The following LRRC4C variants were observed in gnomAD, a reference collection of about 807,000 sequenced individuals.
LRRC4C encodes leucine rich repeat containing 4C, also known as leucine-rich repeat-containing protein 4C.
Under a neutral mutation model 33.6 loss-of-function variants are expected in LRRC4C, and 5 were observed. The ratio of observed to expected loss-of-function variants is 0.15; its 90% CI spans 0.08 to 0.31. The LOEUF (loss-of-function observed/expected upper bound fraction) is 0.31. Ranked by LOEUF, LRRC4C falls within the 10% of genes least tolerant of loss-of-function variation. The probability of loss-of-function intolerance (pLI) is 1.00; values close to 1 mark genes in which losing one functional copy is unlikely to be tolerated. For synonymous variants in LRRC4C, 329 were observed against 302.0 expected, an observed-to-expected ratio of 1.09 and a Z score of -0.93; for missense variants, 560 against 796.7, an observed-to-expected ratio of 0.70 and a Z score of 3.58.
chr11:40,796,125 A>C (rs551273052), intron 2 of LRRC4C, among the ~76,000 whole-genome samples: 1 of 152,180 alleles, frequency 6.6e-6, no homozygotes, highest in Admixed American at 6.5e-5. Flanking sequence ...GGATTTATTT[A>C]TAAAAAATAT....
At chr11:41,179,051 T>C (rs898260643) in intron 1 of LRRC4C, among the ~76,000 whole-genome samples, 8 of 152,102 alleles carry the variant, frequency 5.3e-5, no homozygotes, top group African/African-American at 1.7e-4. Context: ...GGTCCTGTAT[T>C]GGCAGATTTG....
intron 1 of LRRC4C, among the ~76,000 whole-genome samples, chr11:41,209,125 A>G (rs1476923625): frequency 6.6e-6 from 1 of 151,756 alleles, no homozygotes; most frequent in African/African-American, 2.4e-5. Flanking sequence ...TGGTGATGAT[A>G]ATCTGTACAC....
chr11:40,243,293 C>T (rs1452471), intron 4 of LRRC4C, among the ~76,000 whole-genome samples: 89,667 of 152,034 alleles, frequency 0.59, 29,155 homozygotes, highest in East Asian at 0.78. Context: ...TTTGAAAGAA[C>T]ATCTTGGGCC....
intron 1 of LRRC4C, among the ~76,000 whole-genome samples, chr11:41,105,443 TTAGTC>T (rs1231585755): frequency 1.3e-5 from 2 of 152,050 alleles, no homozygotes; most frequent in Non-Finnish European, 2.9e-5. Flanking sequence ...GGTCTGCTCT[TTAGTC>T]TATAAGCTCT....
intron 1 of LRRC4C, among the ~76,000 whole-genome samples, chr11:41,230,905 A>AC (rs1947758655): frequency 9.0e-6 from 1 of 110,538 alleles, no homozygotes; most frequent in South Asian, 4.2e-4. Context: ...AAACAAATTT[A>AC]CAAAAAAAAA....
At chr11:40,874,759 T>C (rs1018142262) in intron 2 of LRRC4C, among the ~76,000 whole-genome samples, 1 of 152,194 alleles carries the variant, frequency 6.6e-6, no homozygotes, top group African/African-American at 2.4e-5. Context: ...GGATTTGCAA[T>C]GAGGCCAGGG....
chr11:40,469,517 T>A lies in LRRC4C; in HGVS notation c.-269-149796A>T, dbSNP rs143492179. Among the ~76,000 whole-genome samples the A allele has an allele frequency of 3.9e-5, 6 of 152,172 alleles. No individual in the cohort carries two copies. In the East Asian group the frequency reaches 1.2e-3, roughly 30 times the overall value. ...TGTCATGCCCCAGTAGCATCTGGAA[T>A]ACCAGCGAGACAGAACTGTTCACTC... On this transcript the variant is annotated intron_variant, in intron 3 of 6. Transcript: ENST00000528697.
intron 1 of LRRC4C, among the ~76,000 whole-genome samples, chr11:41,286,207 T>G (rs774164121): frequency 6.6e-6 from 1 of 152,308 alleles, no homozygotes; most frequent in Middle Eastern, 3.4e-3. Flanking sequence ...ATTCATACTT[T>G]ATTTTTCTCT....
At chr11:40,567,741 C>T (rs1439883433) in intron 3 of LRRC4C, among the ~76,000 whole-genome samples, 1 of 152,192 alleles carries the variant, frequency 6.6e-6, no homozygotes, top group Non-Finnish European at 1.5e-5. Flanking sequence ...TCAGATAAGA[C>T]ATAAGACTTG....
chr11:41,396,942 A>G (rs1253912415), intron 1 of LRRC4C, among the ~76,000 whole-genome samples: 1 of 151,966 alleles, frequency 6.6e-6, no homozygotes, highest in Non-Finnish European at 1.5e-5. Context: ...GCAAACTATG[A>G]ATGTGGATAG....
At chr11:40,510,686 C>A (rs1173276183) in intron 3 of LRRC4C, among the ~76,000 whole-genome samples, 1 of 152,090 alleles carries the variant, frequency 6.6e-6, no homozygotes, top group Non-Finnish European at 1.5e-5. Flanking sequence ...TAGCAACTCA[C>A]AATGTGAGTG....
In LRRC4C at chr11:40,844,415, G is replaced by A. The variant is rs554872698; in HGVS notation, c.-407+89220C>T. 2.6e-5 allele frequency among the ~76,000 whole-genome samples: 4 copies of A among 152,208 alleles called. No homozygotes were observed. In the South Asian group the frequency reaches 8.3e-4, roughly 32 times the overall value. On this transcript the variant is annotated intron_variant, in intron 2 of 6. Coordinates refer to ENST00000528697, the MANE Select transcript of LRRC4C (RefSeq NM_001258419.2). ...TAAGTCAAAATGAAATTATCTGCTA[G>A]GTATTTTTCCACATTCTTAAGAAAG...
chr11:41,346,747 T>C, intron 1 of LRRC4C, among the ~76,000 whole-genome samples: 1 of 152,234 alleles, frequency 6.6e-6, no homozygotes, highest in East Asian at 1.9e-4. Flanking sequence ...CTACTCAATT[T>C]TGTTTAACAT....
chr11:40,808,140 TGTA>T (rs754608091), intron 2 of LRRC4C, among the ~76,000 whole-genome samples: 15 of 152,234 alleles, frequency 9.9e-5, no homozygotes, highest in Non-Finnish European at 1.8e-4. Flanking sequence ...GAGTAAGAAA[TGTA>T]GTAAAATTAT....
At chr11:40,545,867 A>T (rs2135413623) in intron 3 of LRRC4C, among the ~76,000 whole-genome samples, 1 of 152,004 alleles carries the variant, frequency 6.6e-6, no homozygotes, top group Non-Finnish European at 1.5e-5. Context: ...TTCATCAGTC[A>T]TTAAAAAATA....
intron 3 of LRRC4C, among the ~76,000 whole-genome samples, chr11:40,529,594 T>G (rs1410752878): frequency 1.3e-5 from 2 of 152,124 alleles, no homozygotes; most frequent in Non-Finnish European, 2.9e-5. Context: ...ATTGTACATT[T>G]ATTCAGCAGA....
chr11:41,081,653 T>A (rs543595363), intron 1 of LRRC4C, among the ~76,000 whole-genome samples: 1 of 152,152 alleles, frequency 6.6e-6, no homozygotes, highest in Non-Finnish European at 1.5e-5. Context: ...GGGTTTCCAA[T>A]ATTTTTCTTA....
chr11:40,635,418 C>G (rs1178411251), intron 3 of LRRC4C, among the ~76,000 whole-genome samples: 1 of 152,140 alleles, frequency 6.6e-6, no homozygotes, highest in Non-Finnish European at 1.5e-5. Flanking sequence ...AGATGATGCT[C>G]ATTGTTGAAG....
At chr11:41,395,087 A>G (rs997915868) in intron 1 of LRRC4C, among the ~76,000 whole-genome samples, 2 of 151,858 alleles carry the variant, frequency 1.3e-5, no homozygotes, top group African/African-American at 4.8e-5. Flanking sequence ...AGGAGACACA[A>G]TCCTGGTTTA....
Sources: gnomAD v4.1 joint callset for allele counts (sites outside exome capture counted in the v4.1 genomes callset) on GRCh38, gnomAD v4.1.1 for gene constraint, MANE v1.5 for transcripts, NCBI Gene and HGNC (gene_info 2026-07-23, HGNC 2026-07-21) for gene names.